CDH12: variants seen among roughly 807,000 people sequenced by gnomAD.
The protein encoded by CDH12 is cadherin-12.
CDH12 carries 41 observed loss-of-function variants against 74.1 expected under a neutral mutation model. That is an observed-to-expected ratio of 0.55 (90% CI 0.43 to 0.72). CDH12 has a LOEUF of 0.72. CDH12 is among the 30% of genes least tolerant of loss of function. The pLI is 0.00. For synonymous variants in CDH12, 399 were observed against 355.0 expected, an observed-to-expected ratio of 1.12 and a Z score of -1.39; for missense variants, 945 against 977.2, an observed-to-expected ratio of 0.97 and a Z score of 0.44.
chr5:22,145,431 T>C (rs1413732978), intron 4 of CDH12, among the ~76,000 whole-genome samples: 3 of 152,054 alleles, frequency 2.0e-5, no homozygotes, highest in Admixed American at 2.0e-4. Flanking sequence ...ACAAAAGTGA[T>C]GGTGAGCTAG....
intron 9 of CDH12, among the ~76,000 whole-genome samples, chr5:21,816,037 A>G (rs1052198021): frequency 6.6e-6 from 1 of 152,162 alleles, no homozygotes; most frequent in African/African-American, 2.4e-5. Context: ...GTAAATACTC[A>G]GCATCACTAG....
At chr5:22,494,901 C>T (rs757647181) in intron 2 of CDH12, among the ~76,000 whole-genome samples, 1 of 152,098 alleles carries the variant, frequency 6.6e-6, no homozygotes, top group African/African-American at 2.4e-5. Context: ...TACATTCATG[C>T]GTACCTTTAA....
At chr5:22,741,901 C>T (rs1026914666) in intron 1 of CDH12, among the ~76,000 whole-genome samples, 3 of 152,102 alleles carry the variant, frequency 2.0e-5, no homozygotes, top group East Asian at 3.9e-4. Context: ...GAACAACAGA[C>T]GAGGGGCAGT....
intron 3 of CDH12, among the ~76,000 whole-genome samples, chr5:22,385,763 G>T (rs1741969330): frequency 6.6e-6 from 1 of 151,980 alleles, no homozygotes; most frequent in Non-Finnish European, 1.5e-5. Flanking sequence ...AATTCCACAG[G>T]CTGTACAAGA....
intron 3 of CDH12, among the ~76,000 whole-genome samples, chr5:22,353,879 A>G (rs544847694): frequency 1.8e-4 from 27 of 152,324 alleles, no homozygotes; most frequent in Admixed American, 1.1e-3. Flanking sequence ...CAACCCTGGT[A>G]CATGGATTGC....
chr5:22,309,003 A>G (rs1021622354), intron 3 of CDH12, among the ~76,000 whole-genome samples: 1 of 151,930 alleles, frequency 6.6e-6, no homozygotes, highest in Admixed American at 6.6e-5. Context: ...TTCCTATATG[A>G]GAGAAAAGCA....
chr5:21,790,727 G>T (rs1746446209), intron 10 of CDH12, among the ~76,000 whole-genome samples: 1 of 152,010 alleles, frequency 6.6e-6, no homozygotes, highest in African/African-American at 2.4e-5. Flanking sequence ...GTATGTGTAT[G>T]TCCTTTTCCC....
chr5:22,397,267 C>T (rs906689784), intron 3 of CDH12, among the ~76,000 whole-genome samples: 3 of 152,050 alleles, frequency 2.0e-5, no homozygotes, highest in African/African-American at 7.2e-5. Context: ...ACAATGCCAG[C>T]CTTCAAAATA....
At chr5:21,929,324 A>T (rs960061610) in intron 6 of CDH12, among the ~76,000 whole-genome samples, 1 of 151,712 alleles carries the variant, frequency 6.6e-6, no homozygotes, top group African/African-American at 2.4e-5. Context: ...ACTGTATAGA[A>T]TCAGTGGAAT....
intron 4 of CDH12, among the ~76,000 whole-genome samples, chr5:22,168,169 A>T (rs1748799804): frequency 6.6e-6 from 1 of 152,070 alleles, no homozygotes; most frequent in Non-Finnish European, 1.5e-5. Context: ...ATGCCTCCTA[A>T]CTTTGTGGAA....
intron 3 of CDH12, among the ~76,000 whole-genome samples, chr5:22,368,482 T>TG (rs1166426488): frequency 6.6e-6 from 1 of 150,840 alleles, no homozygotes; most frequent in Non-Finnish European, 1.5e-5. Flanking sequence ...TTTTTTTTTT[T>TG]TTGCAGAGAC....
intron 4 of CDH12, among the ~76,000 whole-genome samples, chr5:22,156,512 G>T (rs951040847): frequency 6.6e-5 from 10 of 151,814 alleles, no homozygotes; most frequent in Non-Finnish European, 1.3e-4. Flanking sequence ...TATACTTAAA[G>T]AAAAATAATG....
At chr5:22,602,273 A>T (rs1268901759) in intron 1 of CDH12, among the ~76,000 whole-genome samples, 2 of 152,140 alleles carry the variant, frequency 1.3e-5, no homozygotes, top group East Asian at 3.9e-4. Context: ...TATGCCTCTC[A>T]TTACTACCAA....
intron 1 of CDH12, among the ~76,000 whole-genome samples, chr5:22,666,294 T>G (rs187914426): frequency 0.048 from 4,170 of 86,604 alleles, 123 homozygotes; most frequent in East Asian, 0.14. Flanking sequence ...TTTTTTTTTT[T>G]TTTTTTTGTT....
At chr5:22,820,392 C>A (rs1044812696) in intron 1 of CDH12, among the ~76,000 whole-genome samples, 1 of 152,040 alleles carries the variant, frequency 6.6e-6, no homozygotes, top group Non-Finnish European at 1.5e-5. Context: ...CTTTCCTGTA[C>A]TGTTCTCATG....
intron 4 of CDH12, among the ~76,000 whole-genome samples, chr5:22,153,371 T>C (rs1211549193): frequency 6.6e-6 from 1 of 151,806 alleles, no homozygotes; most frequent in Non-Finnish European, 1.5e-5. Context: ...GTGATGTTCC[T>C]ACTCCACTCA....
chr5:22,783,391 C>A (rs891167253), intron 1 of CDH12, among the ~76,000 whole-genome samples: 3 of 152,086 alleles, frequency 2.0e-5, no homozygotes, highest in Admixed American at 2.0e-4. Context: ...CTTAGTTTCA[C>A]GGCTCACACT....
chr5:22,634,206 T>C (rs1022023771), intron 1 of CDH12, among the ~76,000 whole-genome samples: 1 of 152,142 alleles, frequency 6.6e-6, no homozygotes, highest in Non-Finnish European at 1.5e-5. Flanking sequence ...ATATAGACTA[T>C]AGACTATAAA....
At chr5:21,820,728 T>C (rs560778253) in intron 8 of CDH12, among the ~76,000 whole-genome samples, 1 of 152,088 alleles carries the variant, frequency 6.6e-6, no homozygotes, top group African/African-American at 2.4e-5. Flanking sequence ...ATGTCTGGAA[T>C]CTCAACAGCA....
Sources: gnomAD v4.1 joint callset for allele counts (sites outside exome capture counted in the v4.1 genomes callset) on GRCh38, gnomAD v4.1.1 for gene constraint, MANE v1.5 for transcripts, NCBI Gene and HGNC (gene_info 2026-07-23, HGNC 2026-07-21) for gene names.